The following TRIOBP variants were observed in gnomAD, a reference collection of about 807,000 sequenced individuals.
The protein encoded by TRIOBP is TRIO and F-actin binding protein.
A neutral mutation model predicts 238.8 loss-of-function variants in TRIOBP; 169 were observed. The observed-to-expected ratio is 0.71, with a 90% confidence interval of 0.62 to 0.80. The LOEUF (loss-of-function observed/expected upper bound fraction) is 0.80, where lower values mean the gene tolerates loss of function less well. TRIOBP is among the 30% of genes least tolerant of loss of function. TRIOBP has a pLI of 0.00. For missense variants in TRIOBP, 2,838 were observed against 3,122.6 expected (o/e 0.91, Z 2.17); for synonymous variants, 1,150 against 1,274.4 (o/e 0.90, Z 2.08).
At chr22:37,746,586 C>T (rs527805439) in intron 11 of TRIOBP, among the ~76,000 whole-genome samples, 1 of 152,252 alleles carries the variant, frequency 6.6e-6, no homozygotes. Flanking sequence ...TCGGCCAGAC[C>T]GGCCTCACCC....
chr22:37,745,603 C>A (rs989774364), intron 11 of TRIOBP, among the ~76,000 whole-genome samples: 3 of 152,220 alleles, frequency 2.0e-5, no homozygotes, highest in Non-Finnish European at 4.4e-5. Context: ...AGAGACCCTG[C>A]CATCCAAGAA....
intron 11 of TRIOBP, among the ~76,000 whole-genome samples, chr22:37,745,374 G>A (rs886427193): frequency 6.6e-6 from 1 of 152,018 alleles, no homozygotes; most frequent in Non-Finnish European, 1.5e-5. Context: ...TGAGCACCGA[G>A]AGGTGCCTTG....
intron 6 of TRIOBP, among the ~76,000 whole-genome samples, chr22:37,721,339 A>G (rs1601629013): frequency 6.6e-6 from 1 of 152,278 alleles, no homozygotes; most frequent in African/African-American, 2.4e-5. Context: ...ATTCCCTGCT[A>G]GGTGCTGGGA....
chr22:37,769,449 G>T, intron 21 of TRIOBP, 74 bp downstream of exon 21: 1 of 1,398,620 alleles, frequency 7.1e-7, no homozygotes, highest in South Asian at 1.2e-5. Flanking sequence ...CCCGCCATAG[G>T]CTGGGTATCA....
rs141048940 is a variant in TRIOBP at position 37,704,791 on chromosome 22, T to TA, written c.114+3314dup. Among the ~76,000 whole-genome samples the TA allele has an allele frequency of 7.9e-3, 1,204 of 151,674 alleles. 15 individuals carry two copies. The highest frequency in any genetic ancestry group is 0.027 in the African/African-American group (1,126 of 41,298). Reference sequence around the variant, plus strand: ...AGCCTGGCACGGCAGCTCACGCCTGTAATCCCAGCACTTTGGGAGGAAGTG... The same window carrying TA: ...AGCCTGGCACGGCAGCTCACGCCTGTAAATCCCAGCACTTTGGGAGGAAGTG... On this transcript the variant is annotated intron_variant, in intron 3 of 23. Transcript: ENST00000644935.
rs761189160 is a variant in TRIOBP at position 37,723,181 on chromosome 22, C to G, written c.629-4C>G. 6.2e-7 allele frequency: 1 copy of G among 1,613,770 alleles called. No homozygotes were observed. Among genetic ancestry groups the G allele is most frequent in the Admixed American group, 1.7e-5 (1 of 59,992 alleles). On this transcript the variant is annotated splice_region_variant and splice_polypyrimidine_tract_variant and intron_variant, in intron 6 of 23. Transcript: ENST00000644935. Reference sequence around the variant, plus strand: ...TACCTTGAGCCCCTCTCTTCTCTCTCCAGACACCGGCGGTGGGGGCCGGAG... The same window carrying G: ...TACCTTGAGCCCCTCTCTTCTCTCTGCAGACACCGGCGGTGGGGGCCGGAG...
intron 2 of TRIOBP, among the ~76,000 whole-genome samples, chr22:37,700,848 C>A (rs748763558): frequency 1.3e-5 from 2 of 152,132 alleles, no homozygotes. Context: ...CGTGCCATCA[C>A]ACTTGGCTGA....
At chr22:37,762,929 C>T (rs1397531974) in intron 17 of TRIOBP, among the ~76,000 whole-genome samples, 4 of 152,100 alleles carry the variant, frequency 2.6e-5, no homozygotes, top group Non-Finnish European at 5.9e-5. Context: ...AGAACCTTTC[C>T]CCACTATTGC....
chr22:37,744,202 G>A (rs1330471043), intron 11 of TRIOBP, among the ~76,000 whole-genome samples: 1 of 152,060 alleles, frequency 6.6e-6, no homozygotes, highest in East Asian at 1.9e-4. Flanking sequence ...CAGAGACGGG[G>A]TTTCACCATG....
intron 7 of TRIOBP, among the ~76,000 whole-genome samples, chr22:37,730,364 A>C (rs139468730): frequency 1.3e-5 from 2 of 152,092 alleles, no homozygotes; most frequent in Non-Finnish European, 2.9e-5. Flanking sequence ...TCAGTTCTAC[A>C]TGGGGGAAAA....
chr22:37,770,311 G>A (rs988401847), intron 21 of TRIOBP, among the ~76,000 whole-genome samples: 9 of 150,662 alleles, frequency 6.0e-5, no homozygotes, highest in South Asian at 2.1e-4. Context: ...GGTGGCGGGC[G>A]CGGTGGCGGG....
chr22:37,715,605 A>C (rs538626441), intron 5 of TRIOBP, among the ~76,000 whole-genome samples, 158 bp from the exon 6 acceptor site: 1 of 152,198 alleles, frequency 6.6e-6, no homozygotes, highest in South Asian at 2.1e-4. Flanking sequence ...GTCCTCCCAA[A>C]GTGCTGGGAT....
rs752938356 is a variant in TRIOBP, at chr22:37,725,942, C to T, written c.3386C>T (p.Ala1129Val). The T allele has an allele frequency of 8.1e-6, 13 of 1,613,448 alleles. No homozygotes were observed. The African/African-American group carries it at 1.2e-4, about 15-fold the overall frequency. ...CGGGCCTCCTCCCCACCACGCCAGGCCCCAGAGCCTTCCCTCTTATTCCAG... is the reference window on the plus strand; with the variant it reads ...CGGGCCTCCTCCCCACCACGCCAGGTCCCAGAGCCTTCCCTCTTATTCCAG... ...APRASSPPRQ[A>V]PEPSLLFQDL... The change falls in exon 7 of 24, where the codon GCC becomes GTC. Residue 1129 changes from alanine to valine, a missense_variant. By Grantham distance (64) the Ala-to-Val change is moderately conservative. Transcript: ENST00000644935.
In TRIOBP at chr22:37,735,001, C is replaced by T. The variant is rs201646189; in HGVS notation, c.4665C>T (p.Pro1555=). 27 of 1,613,058 alleles carry T rather than the reference C, an allele frequency of 1.7e-5. No homozygotes were observed. Among genetic ancestry groups the T allele is most frequent in the East Asian group, 4.5e-5 (2 of 44,894 alleles). Residue 1555 remains proline, a synonymous_variant, in exon 9 of 24, where the codon CCC becomes CCT. Coordinates refer to ENST00000644935, the MANE Select transcript of TRIOBP (RefSeq NM_001039141.3). ...ACCCGCGTGGCTCTGAGAGGCGACC[C>T]GAGCTTGACTGGAGGGATCTGCTTG... ...CPYPRGSERR[P]ELDWRDLLGL...
chr22:37,726,245 C>G lies in TRIOBP; in HGVS notation c.3689C>G (p.Pro1230Arg), dbSNP rs200665858. 1 of 1,611,366 alleles carries G rather than the reference C, an allele frequency of 6.2e-7. No individual in the cohort carries two copies. Among genetic ancestry groups the G allele is most frequent in the Non-Finnish European group, 8.5e-7 (1 of 1,179,074 alleles). Residue 1230 changes from proline to arginine, a missense_variant, in exon 7 of 24, where the codon CCC (proline) becomes CGC (arginine). Transcript: ENST00000644935. Reference sequence around the variant, plus strand: ...GATGCACCCCGAGCCTCCTCCCCACCCCGCCACCCACCCAGTGACCTAGCG... The same window carrying G: ...GATGCACCCCGAGCCTCCTCCCCACGCCGCCACCCACCCAGTGACCTAGCG... ...HRDAPRASSP[P>R]RHPPSDLAFL...
Position 37,719,406 on chromosome 22 carries a change from C to T in TRIOBP, c.628+3472C>T, listed in dbSNP as rs113896517. Reference sequence around the variant, plus strand: ...GTGGCTGGGGAGCGGATGGGCCCAGCGCTGGCTGTGCTGTGTGGGATTTGC... The same window carrying T: ...GTGGCTGGGGAGCGGATGGGCCCAGTGCTGGCTGTGCTGTGTGGGATTTGC... On this transcript the variant is annotated intron_variant, in intron 6 of 23. Transcript: ENST00000644935. 4.0e-3 allele frequency among the ~76,000 whole-genome samples: 605 copies of T among 151,906 alleles called. 3 individuals carry two copies. Among genetic ancestry groups the T allele is most frequent in the African/African-American group, 0.014 (564 of 41,410 alleles).
At chr22:37,743,849 GGTGT>G (rs374357202) in intron 11 of TRIOBP, among the ~76,000 whole-genome samples, 19 of 97,876 alleles carry the variant, frequency 1.9e-4, no homozygotes, top group East Asian at 5.9e-4. Flanking sequence ...GTGTGTGCTG[GGTGT>G]GTGTGAGTGT....
intron 10 of TRIOBP, among the ~76,000 whole-genome samples, chr22:37,739,498 G>A (rs1305436608): frequency 1.3e-5 from 2 of 152,202 alleles, no homozygotes; most frequent in Non-Finnish European, 2.9e-5. Context: ...AACCCTCACT[G>A]TGCAGATGAG....
chr22:37,719,340 C>T (rs1923702111), intron 6 of TRIOBP, among the ~76,000 whole-genome samples: 3 of 151,994 alleles, frequency 2.0e-5, no homozygotes, highest in Admixed American at 2.0e-4. Context: ...AGCTCCTGGC[C>T]TGGGTGTCTG....
Sources: gnomAD v4.1 joint callset for allele counts (sites outside exome capture counted in the v4.1 genomes callset) on GRCh38, gnomAD v4.1.1 for gene constraint, MANE v1.5 for transcripts, NCBI Gene and HGNC (gene_info 2026-07-23, HGNC 2026-07-21) for gene names.